PUDP: variants seen among roughly 807,000 people sequenced by gnomAD.
The protein encoded by PUDP is pseudouridine 5'-phosphatase, also known as pseudouridine-5'-phosphatase.
Under a neutral mutation model 9.4 loss-of-function variants are expected in PUDP, and 8 were observed. The observed-to-expected ratio is 0.85, with a 90% CI of 0.50 to 1.53. The LOEUF (loss-of-function observed/expected upper bound fraction) is 1.53, where lower values mean the gene tolerates loss of function less well. Among genes scored for constraint, PUDP ranks in the 40% most tolerant of loss-of-function variants. The pLI is 0.00. For missense variants in PUDP, 188 were observed against 189.7 expected, an observed-to-expected ratio of 0.99 and a Z score of 0.05; for synonymous variants, 99 against 80.7, an observed-to-expected ratio of 1.23 and a Z score of -1.22.
At chrX:6,725,095 T>A (rs1258287564), upstream of PUDP, among the ~76,000 whole-genome samples, 1 of 111,606 alleles carries the variant, frequency 9.0e-6, no homozygotes, top group Non-Finnish European at 1.9e-5. Flanking sequence ...TGGCCATGGA[T>A]GGTGATAGAA....
At chrX:6,932,832 CG>C (rs1358001073) in intron 3 of PUDP, among the ~76,000 whole-genome samples, 2 of 111,547 alleles carry the variant, frequency 1.8e-5, no homozygotes, top group Non-Finnish European at 3.8e-5. Flanking sequence ...ACACCTGGCT[CG>C]GAGGGTCCTA....
intron 3 of PUDP, among the ~76,000 whole-genome samples, chrX:6,900,338 C>T (rs976572777): frequency 1.2e-5 from 1 of 81,815 alleles, no homozygotes; most frequent in African/African-American, 4.7e-5. Flanking sequence ...GGGGGGGGGG[C>T]GCTGCTACTG....
At chrX:6,757,942 G>T (rs1925187776) in intron 3 of PUDP, among the ~76,000 whole-genome samples, 1 of 112,109 alleles carries the variant, frequency 8.9e-6, no homozygotes, top group Non-Finnish European at 1.9e-5. Flanking sequence ...CGTGTGATTT[G>T]TCTTAGTGAC....
intron 1 of PUDP, among the ~76,000 whole-genome samples, chrX:6,997,957 C>G (rs1471677242): frequency 8.9e-6 from 1 of 112,105 alleles, no homozygotes; most frequent in African/African-American, 3.2e-5. Flanking sequence ...AGACTAAACT[C>G]ATTTCACTGG....
At chrX:6,971,582 A>G (rs1223765476) in intron 3 of PUDP, among the ~76,000 whole-genome samples, 1 of 83,039 alleles carries the variant, frequency 1.2e-5, no homozygotes, top group African/African-American at 4.0e-5. Context: ...ACGCCCGGCT[A>G]ATTTTTTTTT....
intron 3 of PUDP, among the ~76,000 whole-genome samples, chrX:6,864,569 C>T (rs774722478): frequency 8.9e-6 from 1 of 111,847 alleles, no homozygotes; most frequent in African/African-American, 3.2e-5. Context: ...TGCCACATTT[C>T]TCATCCCACA....
chrX:6,972,019 A>T (rs1169024544), intron 3 of PUDP, among the ~76,000 whole-genome samples: 5 of 111,447 alleles, frequency 4.5e-5, no homozygotes, highest in Non-Finnish European at 9.4e-5. Context: ...CCGTTTGTCT[A>T]TTATTGGTGT....
rs180871504 is a variant in PUDP, at chrX:7,050,042, G to A, written c.*254C>T. 2.6e-4 allele frequency: 93 copies of A among 355,500 alleles called. No individual in the cohort carries two copies. The highest frequency in any genetic ancestry group is 2.1e-3 in the African/African-American group (83 of 39,189). The allele number at this position is 355,500 out of a possible 1,213,427, so 29.3% of individuals were successfully genotyped here. On this transcript the variant is annotated 3_prime_UTR_variant, in exon 4 of 4. Transcript: ENST00000381077. Reference sequence around the variant, plus strand: ...CACATACTCCATCAGCTTGACTTCTGAGATGGTAATTCAAGTTTCATCTTT... The same window carrying A: ...CACATACTCCATCAGCTTGACTTCTAAGATGGTAATTCAAGTTTCATCTTT...
chrX:6,881,528 T>C (rs7050840), intron 3 of PUDP, among the ~76,000 whole-genome samples: 8,390 of 111,437 alleles, frequency 0.075, 742 homozygotes, highest in African/African-American at 0.26. Context: ...TAGTAAATAG[T>C]AATAGTTCAA....
At chrX:7,052,284 G>A (rs1602731442) in intron 3 of PUDP, among the ~76,000 whole-genome samples, 1 of 110,901 alleles carries the variant, frequency 9.0e-6, no homozygotes, top group African/African-American at 3.3e-5. Context: ...TGATCTGCCC[G>A]CCTCGGCCTC....
intron 3 of PUDP, among the ~76,000 whole-genome samples, chrX:6,850,210 C>A (rs1274628732): frequency 8.9e-6 from 1 of 111,927 alleles, no homozygotes; most frequent in African/African-American, 3.2e-5. Context: ...TCCACAAACA[C>A]TTTCACTACA....
intron 3 of PUDP, among the ~76,000 whole-genome samples, chrX:6,763,034 C>T (rs1246010042): frequency 8.9e-6 from 1 of 112,233 alleles, no homozygotes; most frequent in Non-Finnish European, 1.9e-5. Flanking sequence ...ACAGTGTCCC[C>T]CTGCCCATGA....
chrX:7,115,063 T>C lies in PUDP; in HGVS notation c.62-9225A>G, dbSNP rs753005460. Among the ~76,000 whole-genome samples, 5 of 112,333 alleles carry C rather than the reference T, an allele frequency of 4.5e-5. No homozygotes were observed. In the South Asian group the frequency reaches 1.9e-3, roughly 42 times the overall value. ...ATTCCAATAAATTGGAGTTCTCAGTTAATAATAGTTAATTAGGCCTGCATC... is the reference window on the plus strand; with the variant it reads ...ATTCCAATAAATTGGAGTTCTCAGTCAATAATAGTTAATTAGGCCTGCATC... On this transcript the variant is annotated intron_variant, in intron 1 of 3. Coordinates refer to ENST00000381077, the MANE Select transcript of PUDP (RefSeq NM_012080.5).
intron 3 of PUDP, among the ~76,000 whole-genome samples, chrX:6,895,063 G>A (rs1269994284): frequency 9.0e-6 from 1 of 110,544 alleles, no homozygotes; most frequent in Non-Finnish European, 1.9e-5. Context: ...AAGAGAGAAA[G>A]TGCAGGAATC....
intron 1 of PUDP, among the ~76,000 whole-genome samples, chrX:7,035,854 A>G (rs1357010139): frequency 3.6e-5 from 4 of 111,862 alleles, no homozygotes; most frequent in Non-Finnish European, 7.5e-5. Flanking sequence ...GGCTGGGCCT[A>G]ATAGAAGCTG....
chrX:6,758,204 G>T (rs553891889), intron 3 of PUDP, among the ~76,000 whole-genome samples: 1 of 112,175 alleles, frequency 8.9e-6, no homozygotes, highest in East Asian at 2.8e-4. Context: ...GCTCATTCCT[G>T]TAATCACAGC....
chrX:6,901,936 C>T (rs12556854), intron 3 of PUDP, among the ~76,000 whole-genome samples: 24,258 of 110,649 alleles, frequency 0.22, 2,428 homozygotes, highest in Admixed American at 0.4. Flanking sequence ...TGCAGTGGTG[C>T]GATCATAGCT....
intron 3 of PUDP, among the ~76,000 whole-genome samples, chrX:7,055,535 C>T (rs1009765041): frequency 1.8e-5 from 2 of 111,244 alleles, no homozygotes; most frequent in African/African-American, 3.3e-5. Context: ...GGATTACAGG[C>T]GTGACCCACC....
At chrX:7,103,206 T>C (rs1403840498) in intron 2 of PUDP, among the ~76,000 whole-genome samples, 1 of 112,168 alleles carries the variant, frequency 8.9e-6, no homozygotes, top group African/African-American at 3.2e-5. Flanking sequence ...AGTGCAGTAC[T>C]GGCCTACATA....
Sources: allele counts gnomAD v4.1 joint callset (sites outside exome capture counted in the v4.1 genomes callset), GRCh38; gene constraint gnomAD v4.1.1; transcripts MANE v1.5; gene names NCBI Gene and HGNC (gene_info 2026-07-23, HGNC 2026-07-21).